MBD2: variants seen among roughly 807,000 people sequenced by gnomAD.
MBD2 encodes methyl-CpG binding domain protein 2, also known as methyl-CpG-binding domain protein 2.
MBD2 carries 9 observed loss-of-function variants against 39.3 expected under a neutral mutation model. That is an observed-to-expected ratio of 0.23 (90% confidence interval 0.14 to 0.40). The LOEUF is 0.40. MBD2 is among the 10% of genes least tolerant of loss of function. MBD2 has a pLI of 1.00. For synonymous variants in MBD2, 233 were observed against 211.1 expected (o/e 1.10, Z -0.90); for missense variants, 458 against 532.6 (o/e 0.86, Z 1.38).
intron 1 of MBD2, 68 bp from the exon 2 acceptor site, chr18:54,205,225 C>A: frequency 1.5e-6 from 2 of 1,350,026 alleles, no homozygotes; most frequent in Non-Finnish European, 2.1e-6. Flanking sequence ...TTCTTCATGT[C>A]TTCCCCTACC....
At chr18:54,172,154 G>C (rs546353450) in intron 3 of MBD2, among the ~76,000 whole-genome samples, 1 of 152,072 alleles carries the variant, frequency 6.6e-6, no homozygotes, top group South Asian at 2.1e-4. Context: ...CTCTTCCTTA[G>C]GCAGAATTGA....
At chr18:54,217,128 A>G (rs1423222047) in intron 1 of MBD2, among the ~76,000 whole-genome samples, 2 of 152,126 alleles carry the variant, frequency 1.3e-5, no homozygotes, top group Non-Finnish European at 2.9e-5. Context: ...AAAGGGGACG[A>G]TGTTCTTCTT....
In MBD2 at chr18:54,190,906, T is replaced by G. The variant is rs937392721; in HGVS notation, c.703-1895A>C. Among the ~76,000 whole-genome samples the G allele has an allele frequency of 4.6e-5, 7 of 152,168 alleles. 1 individual carries two copies. The highest frequency in any genetic ancestry group is 1.3e-4 in the Admixed American group (2 of 15,278). On this transcript the variant is annotated intron_variant, in intron 2 of 6. Transcript: ENST00000256429. The stretch of plus-strand genomic sequence containing the variant: ...GATGTGTTCCAGTGAGGTCAAAATG[T>G]GGCACAGAATTGCTATTAAGTTCAT...
At chr18:54,169,894 C>T (rs1013428064) in intron 3 of MBD2, among the ~76,000 whole-genome samples, 29 of 152,238 alleles carry the variant, frequency 1.9e-4, no homozygotes, top group Admixed American at 1.8e-3. Context: ...GCTCTGAGTA[C>T]ATCTAATATC....
At chr18:54,204,242 T>C (rs1300725789) in intron 2 of MBD2, among the ~76,000 whole-genome samples, 1 of 152,182 alleles carries the variant, frequency 6.6e-6, no homozygotes, top group East Asian at 1.9e-4. Flanking sequence ...ATCCTTGAAG[T>C]TTAGAGGAAG....
At chr18:54,209,422 A>G (rs2144338377) in intron 1 of MBD2, among the ~76,000 whole-genome samples, 1 of 152,334 alleles carries the variant, frequency 6.6e-6, no homozygotes, top group South Asian at 2.1e-4. Context: ...TAGCATATCC[A>G]AAAGAAAGCT....
chr18:54,217,696 T>C (rs1476365315), intron 1 of MBD2, among the ~76,000 whole-genome samples: 1 of 152,226 alleles, frequency 6.6e-6, no homozygotes, highest in East Asian at 1.9e-4. Context: ...AAAAAAATGA[T>C]GATATCTCAT....
intron 2 of MBD2, among the ~76,000 whole-genome samples, chr18:54,202,172 A>G (rs1266887987): frequency 3.3e-5 from 5 of 151,744 alleles, no homozygotes; most frequent in African/African-American, 1.2e-4. Context: ...ACGAAACCCC[A>G]ACTCTACTAA....
intron 5 of MBD2, among the ~76,000 whole-genome samples, chr18:54,162,399 G>A (rs2144278974): frequency 6.6e-6 from 1 of 152,296 alleles, no homozygotes; most frequent in East Asian, 1.9e-4. Flanking sequence ...AAGAGTAACA[G>A]TTCCATTTGC....
At chr18:54,200,146 GTTCT>G (rs146983272) in intron 2 of MBD2, among the ~76,000 whole-genome samples, 29 of 152,244 alleles carry the variant, frequency 1.9e-4, no homozygotes, top group Non-Finnish European at 4.0e-4. Context: ...AAAATATGAT[GTTCT>G]TTATTTTCAA....
chr18:54,181,734 C>T (rs1057335319), intron 3 of MBD2, among the ~76,000 whole-genome samples: 1 of 151,850 alleles, frequency 6.6e-6, no homozygotes, highest in African/African-American at 2.4e-5. Flanking sequence ...CTCCTGACCA[C>T]GTGATCCACC....
intron 3 of MBD2, among the ~76,000 whole-genome samples, chr18:54,176,105 C>T (rs76577539): frequency 6.6e-6 from 1 of 152,340 alleles, no homozygotes; most frequent in Non-Finnish European, 1.5e-5. Context: ...CTGCAATCTA[C>T]ATCTGTCAAG....
At chr18:54,203,400 T>C (rs1599101124) in intron 2 of MBD2, among the ~76,000 whole-genome samples, 1 of 152,192 alleles carries the variant, frequency 6.6e-6, no homozygotes, top group Admixed American at 6.5e-5. Flanking sequence ...GAAATCACAG[T>C]GATTTACACA....
chr18:54,220,675 TAGTG>T (rs1568096627), intron 1 of MBD2, among the ~76,000 whole-genome samples: 1 of 152,212 alleles, frequency 6.6e-6, no homozygotes, highest in Non-Finnish European at 1.5e-5. Context: ...TTTTAGCAGA[TAGTG>T]GGTGTTTGGT....
At chr18:54,198,142 C>T (rs999917220) in intron 2 of MBD2, among the ~76,000 whole-genome samples, 3 of 152,198 alleles carry the variant, frequency 2.0e-5, no homozygotes, top group Non-Finnish European at 4.4e-5. Flanking sequence ...TATGCCCTAC[C>T]AGGAGCTGGT....
Position 54,224,400 on chromosome 18 carries a change from C to G in MBD2, c.160G>C (p.Ala54Pro), listed in dbSNP as rs1277477066. The G allele has an allele frequency of 2.2e-5, 27 of 1,251,116 alleles. No individual in the cohort carries two copies. The highest frequency in any genetic ancestry group is 8.6e-5 in the South Asian group (3 of 34,784). 77.5% of individuals were successfully genotyped at this position (1,251,116 alleles called of 1,614,324 possible). ...SPVSGVRREGARGGGRGRGRW... is the reference protein window; with the variant it reads ...SPVSGVRREGPRGGGRGRGRW... ...CCCCGGCCACGGCCGCCGCCCCGAG[C>G]GCCTTCCCTGCGCACGCCGCTCACC... Residue 54 changes from alanine to proline, a missense_variant, in exon 1 of 7, where the codon GCT (alanine) becomes CCT (proline). Coordinates refer to ENST00000256429, the MANE Select transcript of MBD2 (RefSeq NM_003927.5).
At chr18:54,190,648 C>A (rs183797504) in intron 2 of MBD2, among the ~76,000 whole-genome samples, 52 of 152,238 alleles carry the variant, frequency 3.4e-4, no homozygotes, top group African/African-American at 1.2e-3. Context: ...TGTTTTGTGA[C>A]CAGAAATATG....
chr18:54,208,025 G>A (rs1031987966), intron 1 of MBD2, among the ~76,000 whole-genome samples: 5 of 151,072 alleles, frequency 3.3e-5, no homozygotes, highest in South Asian at 2.1e-4. Context: ...GCGACAGATC[G>A]AGAGTCTGTC....
At chr18:54,212,973 A>G (rs2086521600) in intron 1 of MBD2, among the ~76,000 whole-genome samples, 1 of 149,222 alleles carries the variant, frequency 6.7e-6, no homozygotes, top group Non-Finnish European at 1.5e-5. Flanking sequence ...TTGAAGCTGC[A>G]GTGAGCCATG....
Sources: gnomAD v4.1 joint callset for allele counts (sites outside exome capture counted in the v4.1 genomes callset) on GRCh38, gnomAD v4.1.1 for gene constraint, MANE v1.5 for transcripts, NCBI Gene and HGNC (gene_info 2026-07-23, HGNC 2026-07-21) for gene names.